NKAIN3: variants seen among roughly 807,000 people sequenced by gnomAD.
The protein encoded by NKAIN3 is sodium/potassium-transporting ATPase subunit beta-1-interacting protein 3.
NKAIN3 carries 25 observed loss-of-function variants against 30.2 expected under a neutral mutation model. That is an observed-to-expected ratio of 0.83 (90% CI 0.60 to 1.16). The LOEUF (loss-of-function observed/expected upper bound fraction) is 1.16. NKAIN3 is among the 50% of genes most tolerant of loss of function. The pLI is 0.00. For synonymous variants in NKAIN3, 91 were observed against 89.6 expected (o/e 1.02, Z -0.09); for missense variants, 225 against 254.1 (o/e 0.89, Z 0.78).
chr8:62,481,095 T>C (rs1459549280), intron 1 of NKAIN3, among the ~76,000 whole-genome samples: 2 of 152,234 alleles, frequency 1.3e-5, no homozygotes, highest in African/African-American at 4.8e-5. Flanking sequence ...TCATGTTTAT[T>C]GATTGCCTTT....
At chr8:62,600,224 C>T (rs1364580008) in intron 3 of NKAIN3, among the ~76,000 whole-genome samples, 2 of 151,980 alleles carry the variant, frequency 1.3e-5, no homozygotes, top group Non-Finnish European at 2.9e-5. Context: ...CAATGTGTCA[C>T]ATTTTCATAG....
chr8:62,270,321 G>A (rs1160391815), intron 1 of NKAIN3, among the ~76,000 whole-genome samples: 1 of 152,050 alleles, frequency 6.6e-6, no homozygotes, highest in Non-Finnish European at 1.5e-5. Flanking sequence ...GGCTCAAGCA[G>A]TCATCCTTCC....
chr8:62,741,820 G>T (rs1815903936), intron 3 of NKAIN3, among the ~76,000 whole-genome samples: 1 of 151,964 alleles, frequency 6.6e-6, no homozygotes, highest in Non-Finnish European at 1.5e-5. Context: ...TAATTCTCAG[G>T]CCCAGCTAAA....
chr8:62,710,666 C>T (rs1056045201), intron 3 of NKAIN3, among the ~76,000 whole-genome samples: 30 of 152,090 alleles, frequency 2.0e-4, no homozygotes, highest in African/African-American at 7.2e-4. Flanking sequence ...AGTTCTTATC[C>T]ATTCTGTGGT....
chr8:62,930,783 A>G (rs1049985312), intron 5 of NKAIN3, among the ~76,000 whole-genome samples: 35 of 150,694 alleles, frequency 2.3e-4, no homozygotes, highest in Admixed American at 2.0e-4. Context: ...GGCTCACTGC[A>G]TGCTCTGCCT....
At chr8:62,392,593 GA>G (rs1817612838) in intron 1 of NKAIN3, among the ~76,000 whole-genome samples, 1 of 151,800 alleles carries the variant, frequency 6.6e-6, no homozygotes, top group African/African-American at 2.4e-5. Flanking sequence ...TATATTCATT[GA>G]ACCATTAAAT....
At chr8:62,697,367 C>A (rs1176688523) in intron 3 of NKAIN3, among the ~76,000 whole-genome samples, 1 of 152,186 alleles carries the variant, frequency 6.6e-6, no homozygotes, top group African/African-American at 2.4e-5. Context: ...TGTGCTGTTT[C>A]CTCAGCCTGG....
chr8:62,530,629 T>TTATG (rs1196875388), intron 1 of NKAIN3, among the ~76,000 whole-genome samples: 1 of 150,396 alleles, frequency 6.6e-6, no homozygotes, highest in Admixed American at 6.6e-5. Flanking sequence ...TATTTATTTA[T>TTATG]TATTTATTTA....
intron 1 of NKAIN3, among the ~76,000 whole-genome samples, chr8:62,292,583 T>C (rs2129587228): frequency 6.6e-6 from 1 of 152,350 alleles, no homozygotes; most frequent in Admixed American, 6.5e-5. Context: ...TTCTGGCTTG[T>C]AGAGTTTCTG....
At chr8:62,611,714 A>G (rs1203916116) in intron 3 of NKAIN3, among the ~76,000 whole-genome samples, 1 of 152,076 alleles carries the variant, frequency 6.6e-6, no homozygotes, top group Non-Finnish European at 1.5e-5. Context: ...GGTTGCTTCA[A>G]ATCTTCCCAC....
At chr8:62,780,951 GAGAA>G (rs1369523638) in intron 4 of NKAIN3, among the ~76,000 whole-genome samples, 2 of 151,868 alleles carry the variant, frequency 1.3e-5, no homozygotes, top group African/African-American at 2.4e-5. Context: ...AATAAGACAA[GAGAA>G]AGAAAGAAAA....
At chr8:62,739,382 G>A (rs1164208263) in intron 3 of NKAIN3, among the ~76,000 whole-genome samples, 1 of 152,046 alleles carries the variant, frequency 6.6e-6, no homozygotes, top group Non-Finnish European at 1.5e-5. Flanking sequence ...AATGATTTCA[G>A]CATTCTTCCA....
chr8:62,989,757 G>T (rs1824280918), downstream of NKAIN3, among the ~76,000 whole-genome samples: 1 of 152,200 alleles, frequency 6.6e-6, no homozygotes, highest in Non-Finnish European at 1.5e-5. Context: ...CTCTGTGGAA[G>T]ATGTTGGTTC....
intron 1 of NKAIN3, among the ~76,000 whole-genome samples, chr8:62,399,194 ATAAACT>A (rs1450970202): frequency 6.6e-6 from 1 of 152,180 alleles, no homozygotes; most frequent in East Asian, 1.9e-4. Context: ...TTTTCAGAAG[ATAAACT>A]TAAGGCATGA....
At chr8:62,498,641 G>A (rs1807317467) in intron 1 of NKAIN3, among the ~76,000 whole-genome samples, 1 of 151,930 alleles carries the variant, frequency 6.6e-6, no homozygotes, top group South Asian at 2.1e-4. Flanking sequence ...AAAGTTGCAT[G>A]GCAGAGGTAC....
At chr8:62,414,354 G>A (rs1804361960) in intron 1 of NKAIN3, among the ~76,000 whole-genome samples, 2 of 152,134 alleles carry the variant, frequency 1.3e-5, no homozygotes, top group Non-Finnish European at 2.9e-5. Context: ...GACACTTGAG[G>A]ATTTGATTAA....
chr8:62,743,060 C>A (rs1010048036), intron 3 of NKAIN3, among the ~76,000 whole-genome samples: 30 of 152,158 alleles, frequency 2.0e-4, no homozygotes, highest in African/African-American at 7.0e-4. Context: ...CCAACAGGTC[C>A]CTTCCACCAC....
At chr8:62,993,234 T>C (rs73266781) in intron 5 of NKAIN3, among the ~76,000 whole-genome samples, 3,478 of 152,220 alleles carry the variant, frequency 0.023, 139 homozygotes, top group African/African-American at 0.08. Context: ...AGGATCTAGC[T>C]GTGGCCCAAA....
At chr8:62,952,643 A>T (rs1210601247) in intron 5 of NKAIN3, among the ~76,000 whole-genome samples, 1 of 152,166 alleles carries the variant, frequency 6.6e-6, no homozygotes, top group African/African-American at 2.4e-5. Context: ...TACATTCAAG[A>T]TCAATTGAAA....
Sources: gnomAD v4.1 joint callset for allele counts (sites outside exome capture counted in the v4.1 genomes callset) on GRCh38, gnomAD v4.1.1 for gene constraint, MANE v1.5 for transcripts, NCBI Gene and HGNC (gene_info 2026-07-23, HGNC 2026-07-21) for gene names.